PRKN: variants seen among roughly 807,000 people sequenced by gnomAD.
PRKN encodes the protein E3 ubiquitin-protein ligase parkin.
Under a neutral mutation model 59.5 loss-of-function variants are expected in PRKN, and 56 were observed. The ratio of observed to expected loss-of-function variants is 0.94; its 90% CI spans 0.76 to 1.18. The LOEUF (loss-of-function observed/expected upper bound fraction) is 1.18, where lower values mean the gene tolerates loss of function less well. PRKN is among the 50% of genes most tolerant of loss of function. The pLI, the probability that PRKN is intolerant of heterozygous loss-of-function variation, is 0.00. For synonymous variants in PRKN, 250 were observed against 222.1 expected, an observed-to-expected ratio of 1.13 and a Z score of -1.12; for missense variants, 657 against 596.4, an observed-to-expected ratio of 1.10 and a Z score of -1.06.
At chr6:162,336,913 G>T (rs139010524) in intron 2 of PRKN, among the ~76,000 whole-genome samples, 2 of 152,258 alleles carry the variant, frequency 1.3e-5, no homozygotes, top group East Asian at 1.9e-4. Context: ...TTTCATCACT[G>T]GGGGAGAACA....
chr6:162,112,805 G>A (rs1008158760), intron 4 of PRKN, among the ~76,000 whole-genome samples: 9 of 151,584 alleles, frequency 5.9e-5, no homozygotes, highest in African/African-American at 1.5e-4. Context: ...GCTGAGTATC[G>A]TGGTTTACAC....
intron 7 of PRKN, among the ~76,000 whole-genome samples, chr6:161,737,280 C>A (rs6941719): frequency 0.21 from 32,479 of 152,026 alleles, 3,869 homozygotes; most frequent in East Asian, 0.51. Flanking sequence ...GACTGCTTGA[C>A]CAGAACAATG....
intron 6 of PRKN, among the ~76,000 whole-genome samples, chr6:161,858,990 C>T (rs1793776745): frequency 6.7e-6 from 1 of 149,874 alleles, no homozygotes; most frequent in African/African-American, 2.4e-5. Context: ...CTGCCTCGGC[C>T]TCCCGAGTAG....
At chr6:161,595,306 C>T (rs1202936180) in intron 7 of PRKN, among the ~76,000 whole-genome samples, 1 of 152,072 alleles carries the variant, frequency 6.6e-6, no homozygotes, top group Non-Finnish European at 1.5e-5. Context: ...ACAAGATACT[C>T]CAAAGGAACC....
chr6:162,312,176 G>A (rs10447368), intron 2 of PRKN, among the ~76,000 whole-genome samples: 29,249 of 152,042 alleles, frequency 0.19, 3,587 homozygotes, highest in Admixed American at 0.27. Flanking sequence ...CCCTGCCAGA[G>A]CAGGTTCAAT....
intron 7 of PRKN, among the ~76,000 whole-genome samples, chr6:161,700,378 C>T (rs1003312641): frequency 6.6e-6 from 1 of 152,106 alleles, no homozygotes; most frequent in Non-Finnish European, 1.5e-5. Context: ...ATTTCTCCCA[C>T]CAAAGTTTGG....
intron 1 of PRKN, among the ~76,000 whole-genome samples, chr6:162,604,421 G>A (rs550132438): frequency 1.3e-5 from 2 of 152,264 alleles, no homozygotes; most frequent in African/African-American, 2.4e-5. Flanking sequence ...GGCTAAGACA[G>A]CATGAAGCAC....
chr6:162,712,416 C>T (rs1283396012), intron 1 of PRKN, among the ~76,000 whole-genome samples: 1 of 152,172 alleles, frequency 6.6e-6, no homozygotes, highest in Non-Finnish European at 1.5e-5. Context: ...ATTCCCTAAG[C>T]TCAGCAGTCA....
At chr6:161,752,789 G>A (rs1264168365) in intron 7 of PRKN, among the ~76,000 whole-genome samples, 15 of 152,308 alleles carry the variant, frequency 9.8e-5, no homozygotes, top group East Asian at 1.9e-4. Flanking sequence ...AGACTTTTAC[G>A]CAAGTTCAGT....
intron 2 of PRKN, among the ~76,000 whole-genome samples, chr6:162,382,329 G>A (rs1786535586): frequency 6.6e-6 from 1 of 151,986 alleles, no homozygotes. Flanking sequence ...GAAAACTTGA[G>A]GAACATGTAC....
chr6:162,311,465 A>C (rs1249117783), intron 2 of PRKN, among the ~76,000 whole-genome samples: 1 of 151,524 alleles, frequency 6.6e-6, no homozygotes, highest in East Asian at 2.0e-4. Flanking sequence ...TTGTTTAAGT[A>C]ATAATAATTT....
chr6:161,897,067 T>C lies in PRKN; in HGVS notation c.734+76235A>G, dbSNP rs2128233738. On this transcript the variant is annotated intron_variant, in intron 6 of 11. Coordinates refer to ENST00000366898, the MANE Select transcript of PRKN (RefSeq NM_004562.3). ...GTATTCCTAGTATCTTCTAACTTTC[T>C]CTTCTACATGTTGGACACTATCACT... Among the ~76,000 whole-genome samples, 4 of 152,332 alleles carry C rather than the reference T, an allele frequency of 2.6e-5. No individual in the cohort carries two copies. In the South Asian group the frequency reaches 8.3e-4, roughly 32 times the overall value.
At chr6:162,297,928 A>T (rs1781753666) in intron 2 of PRKN, among the ~76,000 whole-genome samples, 1 of 152,178 alleles carries the variant, frequency 6.6e-6, no homozygotes, top group African/African-American at 2.4e-5. Flanking sequence ...GTCAGTAGTT[A>T]CAACAAGCAA....
chr6:162,413,188 A>C (rs1200318404), intron 2 of PRKN, among the ~76,000 whole-genome samples: 2 of 152,176 alleles, frequency 1.3e-5, no homozygotes, highest in African/African-American at 2.4e-5. Flanking sequence ...GCTTTAAAAG[A>C]CTAAAAACTC....
intron 4 of PRKN, among the ~76,000 whole-genome samples, chr6:162,125,331 T>G (rs1781084344): frequency 6.6e-6 from 1 of 152,180 alleles, no homozygotes; most frequent in Admixed American, 6.5e-5. Flanking sequence ...CCTTACATTC[T>G]CAAGGAGGCG....
chr6:162,567,097 A>G lies in PRKN; in HGVS notation c.8-123624T>C, dbSNP rs998356215. Among the ~76,000 whole-genome samples the G allele has an allele frequency of 2.0e-5, 3 of 152,264 alleles. No homozygotes were observed. In the East Asian group the frequency reaches 5.8e-4, roughly 29 times the overall value. ...AAAAATTCTCAAAATACTGGGGATA[A>G]AAGGAACACATCTCAACATATGGCT... On this transcript the variant is annotated intron_variant, in intron 1 of 11. Transcript: ENST00000366898.
intron 4 of PRKN, among the ~76,000 whole-genome samples, chr6:162,112,521 C>G (rs1780483987): frequency 6.6e-6 from 1 of 152,130 alleles, no homozygotes; most frequent in South Asian, 2.1e-4. Context: ...TTCTAGAAGT[C>G]CTTGTCATCA....
At chr6:161,507,612 G>C (rs73782919) in intron 9 of PRKN, among the ~76,000 whole-genome samples, 26,320 of 151,948 alleles carry the variant, frequency 0.17, 2,957 homozygotes, top group African/African-American at 0.32. Context: ...GTTCAGGAAG[G>C]GATGCTCTCT....
At chr6:161,991,678 C>T (rs977516022) in intron 5 of PRKN, among the ~76,000 whole-genome samples, 1 of 151,922 alleles carries the variant, frequency 6.6e-6, no homozygotes, top group Non-Finnish European at 1.5e-5. Flanking sequence ...TCCATCTCTA[C>T]TAAACATACA....
Sources: allele counts gnomAD v4.1 joint callset (sites outside exome capture counted in the v4.1 genomes callset), GRCh38; gene constraint gnomAD v4.1.1; transcripts MANE v1.5; gene names NCBI Gene and HGNC (gene_info 2026-07-23, HGNC 2026-07-21).